MAP3K9: variants seen among roughly 807,000 people sequenced by gnomAD.
The protein encoded by MAP3K9 is mitogen-activated protein kinase kinase kinase 9.
MAP3K9 carries 46 observed loss-of-function variants against 95.8 expected under a neutral mutation model. The observed-to-expected ratio is 0.48, with a 90% CI of 0.38 to 0.61. The LOEUF (loss-of-function observed/expected upper bound fraction) is 0.61, where lower values mean the gene tolerates loss of function less well. MAP3K9 is among the 20% of genes least tolerant of loss of function. The pLI, the probability that MAP3K9 is intolerant of heterozygous loss-of-function variation, is 0.00. For synonymous variants in MAP3K9, 533 were observed against 593.8 expected (o/e 0.90, Z 1.49); for missense variants, 1,296 against 1,474.3 (o/e 0.88, Z 1.98).
intron 3 of MAP3K9, among the ~76,000 whole-genome samples, chr14:70,760,339 G>T (rs1053087799): frequency 6.6e-6 from 1 of 152,122 alleles, no homozygotes; most frequent in Admixed American, 6.6e-5. Flanking sequence ...AAAAATTTTA[G>T]ATCTATTTCC....
chr14:70,809,089 C>G lies in MAP3K9; in HGVS notation c.83G>C (p.Gly28Ala). 7.0e-7 allele frequency: 1 copy of G among 1,427,378 alleles called. No individual in the cohort carries two copies. Among genetic ancestry groups the G allele is most frequent in the Non-Finnish European group, 9.1e-7 (1 of 1,098,392 alleles). 88.4% of individuals were successfully genotyped at this position (1,427,378 alleles called of 1,614,324 possible). A position where few individuals can be genotyped will look rare whatever the true frequency, so the allele number is the denominator to read the frequency against. Residue 28 changes from glycine (G) to alanine (A), a missense_variant, in exon 1 of 12, where the codon GGG (glycine) becomes GCG (alanine). By Grantham distance (60) the Gly-to-Ala change is moderately conservative (BLOSUM62 0). Around this residue, in one of 5 missense-constraint regions of MAP3K9, gnomAD observed 338 missense variants for 363.4 expected, o/e 0.93. Coordinates refer to ENST00000554752, the MANE Select transcript of MAP3K9 (RefSeq NM_001284230.2). ...CTCCTCCTCCTCCTCCTCCTCGGCCCCGGCCCCTGCTCCATCCTCCCCCGG... is the reference window on the plus strand; with the variant it reads ...CTCCTCCTCCTCCTCCTCCTCGGCCGCGGCCCCTGCTCCATCCTCCCCCGG... ...APPGEDGAGA[G>A]AEEEEEEEEE... is the part of the protein sequence containing the mutation.
At chr14:70,757,998 TG>T (rs2054319774) in intron 3 of MAP3K9, among the ~76,000 whole-genome samples, 1 of 152,146 alleles carries the variant, frequency 6.6e-6, no homozygotes, top group African/African-American at 2.4e-5. Flanking sequence ...GACTAGGCAA[TG>T]TTTTTTAGAT....
At chr14:70,759,708 T>C (rs1401165219) in intron 3 of MAP3K9, among the ~76,000 whole-genome samples, 1 of 152,190 alleles carries the variant, frequency 6.6e-6, no homozygotes, top group Non-Finnish European at 1.5e-5. Flanking sequence ...CTAATAACAA[T>C]GGTGACCCAT....
In MAP3K9 at chr14:70,730,100, GA is replaced by G. The variant is rs1378536318; in HGVS notation, c.*279del. On this transcript the variant is annotated 3_prime_UTR_variant, in exon 12 of 12. Coordinates refer to ENST00000554752, the MANE Select transcript of MAP3K9 (RefSeq NM_001284230.2). ...TCTGCAGGGTCACTCTAAAGGCAAG[GA>G]AGACTGTGGAGGGTGGGGGACATGC... is the stretch of plus-strand genomic sequence containing the variant. 2.3e-6 allele frequency: 1 copy of G among 435,598 alleles called. No individual in the cohort carries two copies. Among genetic ancestry groups the G allele is most frequent in the African/African-American group, 2.0e-5 (1 of 50,756 alleles). The allele number at this position is 435,598 out of a possible 1,614,324, so 27.0% of individuals were successfully genotyped here. A position where few individuals can be genotyped will look rare whatever the true frequency, so the allele number is the denominator to read the frequency against.
At chr14:70,752,191 T>A (rs897923077) in intron 3 of MAP3K9, among the ~76,000 whole-genome samples, 1 of 152,236 alleles carries the variant, frequency 6.6e-6, no homozygotes, top group Admixed American at 6.5e-5. Flanking sequence ...GGGAATAGCA[T>A]TGGATACTTT....
chr14:70,750,496 T>A (rs1305495703), intron 3 of MAP3K9, among the ~76,000 whole-genome samples: 1 of 152,154 alleles, frequency 6.6e-6, no homozygotes, highest in African/African-American at 2.4e-5. Context: ...GTTTGTTTGT[T>A]TGTTTTGGGA....
Position 70,780,111 on chromosome 14 carries a change from A to G in MAP3K9, c.821-18929T>C, listed in dbSNP as rs76186656. On this transcript the variant is annotated intron_variant, in intron 2 of 11. Coordinates refer to ENST00000554752, the MANE Select transcript of MAP3K9 (RefSeq NM_001284230.2). ...ACAACTCTGGCTGGCCATAATGTGC[A>G]TATGTGTTCTGGGGAACAAGGGAAC... Among the ~76,000 whole-genome samples, 1,084 of 152,336 alleles carry G rather than the reference A, an allele frequency of 7.1e-3. 13 individuals carry two copies. Among genetic ancestry groups the G allele is most frequent in the African/African-American group, 0.025 (1,031 of 41,574 alleles).
At chr14:70,782,757 G>A (rs1381289391) in intron 2 of MAP3K9, among the ~76,000 whole-genome samples, 1 of 152,112 alleles carries the variant, frequency 6.6e-6, no homozygotes, top group Non-Finnish European at 1.5e-5. Context: ...TCCATTGCAT[G>A]GGGAAGATGA....
chr14:70,776,144 G>T (rs564437408), intron 2 of MAP3K9, among the ~76,000 whole-genome samples: 1 of 152,108 alleles, frequency 6.6e-6, no homozygotes, highest in Non-Finnish European at 1.5e-5. Flanking sequence ...AGCCAAGATC[G>T]CGCCATTACA....
At chr14:70,787,869 A>G (rs1390551154) in intron 2 of MAP3K9, among the ~76,000 whole-genome samples, 1 of 152,184 alleles carries the variant, frequency 6.6e-6, no homozygotes, top group African/African-American at 2.4e-5. Context: ...TTGCCACCAA[A>G]CACCTGGGCT....
intron 5 of MAP3K9, among the ~76,000 whole-genome samples, chr14:70,744,753 C>T (rs1334934057): frequency 2.0e-5 from 3 of 152,166 alleles, no homozygotes; most frequent in Admixed American, 6.5e-5. Flanking sequence ...CAGAGCAGAC[C>T]GTGCCCCTGC....
chr14:70,752,279 C>A (rs1259299230), intron 3 of MAP3K9, among the ~76,000 whole-genome samples: 4 of 152,182 alleles, frequency 2.6e-5, no homozygotes, highest in African/African-American at 9.7e-5. Context: ...GTCTGCTAGC[C>A]TATAGGCTCC....
chr14:70,739,834 G>T, intron 7 of MAP3K9: 2 of 1,469,526 alleles, frequency 1.4e-6, no homozygotes, highest in South Asian at 1.3e-5. Context: ...GTGACTAAAA[G>T]GTAGAGGGGG....
At chr14:70,763,550 A>C (rs2054404128) in intron 2 of MAP3K9, among the ~76,000 whole-genome samples, 1 of 148,664 alleles carries the variant, frequency 6.7e-6, no homozygotes, top group Non-Finnish European at 1.5e-5. Context: ...TTTTTTTTGG[A>C]CCCAAGGTCT....
chr14:70,785,596 G>A (rs1385309300), intron 2 of MAP3K9, among the ~76,000 whole-genome samples: 1 of 152,176 alleles, frequency 6.6e-6, no homozygotes, highest in Admixed American at 6.5e-5. Flanking sequence ...ACATAGGCGA[G>A]GTGACACAGT....
chr14:70,737,557 G>T (rs540311307), intron 8 of MAP3K9, among the ~76,000 whole-genome samples: 1 of 152,130 alleles, frequency 6.6e-6, no homozygotes, highest in East Asian at 1.9e-4. Context: ...CTTGTGCCCT[G>T]CCCAGAGGAG....
chr14:70,774,298 CT>C (rs1318732552), intron 2 of MAP3K9, among the ~76,000 whole-genome samples: 1 of 152,178 alleles, frequency 6.6e-6, no homozygotes, highest in African/African-American at 2.4e-5. Flanking sequence ...AGCAGGAGAC[CT>C]TTGTTATTTA....
chr14:70,755,925 C>A (rs2054292746), intron 3 of MAP3K9, among the ~76,000 whole-genome samples: 1 of 152,200 alleles, frequency 6.6e-6, no homozygotes, highest in Non-Finnish European at 1.5e-5. Context: ...ACACATCATC[C>A]AAAGTGCTTC....
rs777890302 is a variant in MAP3K9, at chr14:70,732,584, T to A, written c.2785A>T (p.Ser929Cys). The A allele has an allele frequency of 4.4e-6, 7 of 1,600,472 alleles. No individual in the cohort carries two copies. Among genetic ancestry groups the A allele is most frequent in the Non-Finnish European group, 5.1e-6 (6 of 1,172,498 alleles). Reference sequence around the variant, plus strand: ...AACCCATTGCTGGAGGGGCTCCTGCTGGCTAGGAGAGTCTCTGGCTTAAGG... The same window carrying A: ...AACCCATTGCTGGAGGGGCTCCTGCAGGCTAGGAGAGTCTCTGGCTTAAGG... The part of the protein sequence containing the change: ...GALKPETLLA[S>C]RSPSSNGLSP... The change falls in exon 11 of 12, where the codon AGC (serine) becomes TGC (cysteine). Residue 929 changes from serine to cysteine, a missense_variant. Around this residue, in one of 5 missense-constraint regions of MAP3K9, gnomAD observed 433 missense variants for 441.4 expected, o/e 0.98. Transcript: ENST00000554752.
Sources: allele counts gnomAD v4.1 joint callset (sites outside exome capture counted in the v4.1 genomes callset), GRCh38; gene constraint gnomAD v4.1.1; regional missense constraint gnomAD v4.1.1; transcripts MANE v1.5; gene names NCBI Gene and HGNC (gene_info 2026-07-23, HGNC 2026-07-21).